The following UGCG variants were observed in gnomAD, a reference collection of about 807,000 sequenced individuals.
The protein encoded by UGCG is ceramide glucosyltransferase.
UGCG carries 10 observed loss-of-function variants against 49.5 expected under a neutral mutation model. The observed-to-expected ratio is 0.20, with a 90% CI of 0.12 to 0.34. The LOEUF (loss-of-function observed/expected upper bound fraction) is 0.34, where lower values mean the gene tolerates loss of function less well. Ranked by LOEUF, UGCG falls within the 10% of genes least tolerant of loss-of-function variation. The pLI is 1.00. For synonymous variants in UGCG, 182 were observed against 158.2 expected, an observed-to-expected ratio of 1.15 and a Z score of -1.13; for missense variants, 312 against 483.7, an observed-to-expected ratio of 0.65 and a Z score of 3.33.
intron 1 of UGCG, among the ~76,000 whole-genome samples, chr9:111,911,742 T>TA (rs1837998166): frequency 6.6e-6 from 1 of 150,574 alleles, no homozygotes; most frequent in Non-Finnish European, 1.5e-5. Flanking sequence ...CATAAAAAAA[T>TA]AAAAAAATTA....
In UGCG at chr9:111,897,014, AGCGCGCAGGCGAGAGCGCGCGGGCGGGG is replaced by A. The variant is rs1370926871; in HGVS notation, c.-191_-164del. 3.4e-5 allele frequency: 10 copies of A among 291,288 alleles called. No homozygotes were observed. The highest frequency in any genetic ancestry group is 5.6e-5 in the Admixed American group (1 of 17,810). 18.0% of individuals were successfully genotyped at this position (291,288 alleles called of 1,614,324 possible). ...AGCCGCCCGCGAGCGCGCCGAAGAC[AGCGCGCAGGCGAGAGCGCGCGGGCGGGG>A]GCGCGCAGGCCCTGCCCGCCCCTTC... On this transcript the variant is annotated 5_prime_UTR_variant, in exon 1 of 9. Coordinates refer to ENST00000374279, the MANE Select transcript of UGCG (RefSeq NM_003358.3).
intron 1 of UGCG, among the ~76,000 whole-genome samples, chr9:111,912,914 CACGTGTGTGT>C (rs1838041932): frequency 6.6e-6 from 1 of 151,896 alleles, no homozygotes; most frequent in Non-Finnish European, 1.5e-5. Flanking sequence ...TGCGTGTGTG[CACGTGTGTGT>C]AAAACTGTAT....
At chr9:111,906,696 G>C (rs945647992) in intron 1 of UGCG, among the ~76,000 whole-genome samples, 1 of 151,998 alleles carries the variant, frequency 6.6e-6, no homozygotes. Context: ...TCCCAAATTG[G>C]CTGGGATTAC....
chr9:111,897,617 T>G (rs1837687937), intron 1 of UGCG, among the ~76,000 whole-genome samples: 1 of 152,114 alleles, frequency 6.6e-6, no homozygotes, highest in Admixed American at 6.5e-5. Context: ...TGCTGGGGAT[T>G]CGTGTAATTT....
At chr9:111,923,424 A>C (rs1175741078) in intron 3 of UGCG, among the ~76,000 whole-genome samples, 1 of 152,098 alleles carries the variant, frequency 6.6e-6, no homozygotes, top group East Asian at 1.9e-4. Context: ...AGTCGTATAA[A>C]ATGATATCAG....
At position 111,926,365 on chromosome 9, in the gene UGCG, C is replaced by T. The variant is rs1356167133; in HGVS notation, c.446-19C>T. On this transcript the variant is annotated intron_variant, in intron 4 of 8. Transcript: ENST00000374279. Reference sequence around the variant, plus strand: ...AAATTTTCTTTTCTCCCCCTCTCTGCCTTTTTTTTAAATTGTAGTAATTCC... The same window carrying T: ...AAATTTTCTTTTCTCCCCCTCTCTGTCTTTTTTTTAAATTGTAGTAATTCC... 1 of 1,569,032 alleles carries T rather than the reference C, an allele frequency of 6.4e-7. No individual in the cohort carries two copies. Among genetic ancestry groups the T allele is most frequent in the South Asian group, 1.2e-5 (1 of 83,650 alleles).
At chr9:111,903,281 C>T (rs1473588423) in intron 1 of UGCG, among the ~76,000 whole-genome samples, 1 of 152,098 alleles carries the variant, frequency 6.6e-6, no homozygotes, top group East Asian at 1.9e-4. Context: ...AAAAATGAGA[C>T]AGACAGGGCG....
chr9:111,930,068 T>C (rs564792128), intron 6 of UGCG, among the ~76,000 whole-genome samples: 136 of 152,250 alleles, frequency 8.9e-4, no homozygotes, highest in Non-Finnish European at 1.5e-3. Context: ...TCTGCCCACC[T>C]CGGCCTCCTA....
intron 1 of UGCG, among the ~76,000 whole-genome samples, chr9:111,906,611 G>A (rs1303037762): frequency 6.6e-6 from 1 of 151,866 alleles, no homozygotes; most frequent in South Asian, 2.1e-4. Flanking sequence ...TGTATTTTTA[G>A]TAGAGACGGG....
rs189858586 is a variant in UGCG, at chr9:111,923,078, G to A, written c.343+127G>A. On this transcript the variant is annotated intron_variant, in intron 3 of 8. Coordinates refer to ENST00000374279, the MANE Select transcript of UGCG (RefSeq NM_003358.3). ...AAACATGTTTGTTGGAGTACTGAGA[G>A]GTGTTTACGTCCTTTTGAGAAAAGT... 20 of 526,440 alleles carry A rather than the reference G, an allele frequency of 3.8e-5. No homozygotes were observed. In the East Asian group the frequency reaches 6.3e-4, roughly 17 times the overall value. 32.6% of individuals were successfully genotyped at this position (526,440 alleles called of 1,614,324 possible).
intron 6 of UGCG, 25 bp downstream of exon 6, chr9:111,929,703 G>A (rs1285496590): frequency 6.2e-7 from 1 of 1,607,164 alleles, no homozygotes; most frequent in South Asian, 1.1e-5. Context: ...TGAAGCCATA[G>A]TATTTTTATT....
chr9:111,897,140 AC>A lies in UGCG; in HGVS notation c.-73del, dbSNP rs1398703286. 3.6e-6 allele frequency: 4 copies of A among 1,097,640 alleles called. No homozygotes were observed. The African/African-American group carries it at 7.1e-5, about 20-fold the overall frequency. 68.0% of individuals were successfully genotyped at this position (1,097,640 alleles called of 1,614,324 possible). ...TCCCGCGCCCCCGCACCGGGCGCCCACCCTGTCCTCCTCCTGCGGGAGCGTT... is the reference window on the plus strand; with the variant it reads ...TCCCGCGCCCCCGCACCGGGCGCCCACCTGTCCTCCTCCTGCGGGAGCGTT... On this transcript the variant is annotated 5_prime_UTR_variant, in exon 1 of 9. Coordinates refer to ENST00000374279, the MANE Select transcript of UGCG (RefSeq NM_003358.3).
chr9:111,906,524 G>A (rs1055133809), intron 1 of UGCG, among the ~76,000 whole-genome samples: 2 of 152,218 alleles, frequency 1.3e-5, no homozygotes, highest in East Asian at 3.9e-4. Context: ...CTGCCTCCTG[G>A]GTTCAAGTGA....
At chr9:111,928,463 A>G (rs567996890) in intron 5 of UGCG, among the ~76,000 whole-genome samples, 2 of 152,320 alleles carry the variant, frequency 1.3e-5, no homozygotes, top group East Asian at 3.9e-4. Context: ...TAATCTCTGG[A>G]AGTCACTCTG....
intron 6 of UGCG, among the ~76,000 whole-genome samples, chr9:111,930,492 C>T: frequency 7.2e-6 from 1 of 138,402 alleles, no homozygotes; most frequent in South Asian, 2.3e-4. Flanking sequence ...TTTTTTGAGA[C>T]AGTCTCGCCC....
intron 5 of UGCG, chr9:111,929,172 G>A (rs1487227467): frequency 4.4e-6 from 1 of 228,518 alleles, no homozygotes. Flanking sequence ...ATTGATCCCA[G>A]TAAAGTAGAT....
intron 1 of UGCG, among the ~76,000 whole-genome samples, chr9:111,901,079 G>A (rs746252203): frequency 1.3e-5 from 2 of 152,116 alleles, no homozygotes; most frequent in African/African-American, 4.8e-5. Context: ...GCCTCCTGAA[G>A]TTCTGGGATT....
In UGCG at chr9:111,931,211, C is replaced by G. The variant is rs534386757; in HGVS notation, c.738-60C>G. ...TTTATAATGATTACTGAATGCATAA[C>G]CAGTTACGCTTGCATGTGTTCATCA... On this transcript the variant is annotated intron_variant, in intron 6 of 8. Transcript: ENST00000374279. 6 of 1,508,852 alleles carry G rather than the reference C, an allele frequency of 4.0e-6. No individual in the cohort carries two copies. In the East Asian group the frequency reaches 9.2e-5, roughly 23 times the overall value. The allele number at this position is 1,508,852 out of a possible 1,614,324, so 93.5% of individuals were successfully genotyped here.
chr9:111,897,363 A>G (rs3780520), intron 1 of UGCG, 50 bp downstream of exon 1: 413,614 of 1,459,778 alleles, frequency 0.28, 62,432 homozygotes, highest in African/African-American at 0.56. Flanking sequence ...CGGGCCTCGG[A>G]GACAGGCGAG....
Sources: gnomAD v4.1 joint callset for allele counts (sites outside exome capture counted in the v4.1 genomes callset) on GRCh38, gnomAD v4.1.1 for gene constraint, MANE v1.5 for transcripts, NCBI Gene and HGNC (gene_info 2026-07-23, HGNC 2026-07-21) for gene names.